The following DYSF variants were observed in gnomAD, a reference collection of about 807,000 sequenced individuals.
DYSF encodes dystrophy-associated fer-1-like 1.
DYSF carries 212 observed loss-of-function variants against 274.9 expected under a neutral mutation model. The ratio of observed to expected loss-of-function variants is 0.77; its 90% CI spans 0.69 to 0.86. The LOEUF is 0.86. Among genes scored for constraint, DYSF ranks in the 40% least tolerant of loss-of-function variants. The probability of loss-of-function intolerance (pLI) is 0.00; values close to 1 mark genes in which losing one functional copy is unlikely to be tolerated. For missense variants in DYSF, 2,666 were observed against 2,783.2 expected, an observed-to-expected ratio of 0.96 and a Z score of 0.95; for synonymous variants, 1,091 against 1,078.7, an observed-to-expected ratio of 1.01 and a Z score of -0.22.
intron 1 of DYSF, among the ~76,000 whole-genome samples, chr2:71,455,574 G>A (rs1475633546): frequency 6.6e-6 from 1 of 152,198 alleles, no homozygotes; most frequent in Non-Finnish European, 1.5e-5. Context: ...CAGGTCAGTG[G>A]CCCTGTTCAG....
chr2:71,620,557 G>A lies in DYSF; in HGVS notation c.4475G>A (p.Gly1492Asp), dbSNP rs1352658192. The A allele has an allele frequency of 1.3e-6, 2 of 1,551,666 alleles. No individual in the cohort carries two copies. Among genetic ancestry groups the A allele is most frequent in the East Asian group, 2.4e-5 (1 of 40,900 alleles). ...EPLIPIQLAD[G>D]LSSLAPTNTA... ...ATGTTTCATTTGTAGCTTGCAGACG[G>A]TCTGTCGAGCTTGGCCCCCACTAAC... The change falls in exon 41 of 56, where the codon GGT (glycine) becomes GAT (aspartate). Residue 1492 changes from glycine (G) to aspartate (D), a missense_variant. Gly to Asp is a moderately conservative substitution (Grantham distance 94, BLOSUM62 -1). Transcript: ENST00000410020.
chr2:71,577,840 G>A (rs2092763109), intron 30 of DYSF, among the ~76,000 whole-genome samples: 1 of 152,186 alleles, frequency 6.6e-6, no homozygotes, highest in South Asian at 2.1e-4. Flanking sequence ...TCCTGGGGAA[G>A]GTGGTTGGAT....
Position 71,569,950 on chromosome 2 carries a change from A to G in DYSF, c.2979+16A>G. On this transcript the variant is annotated intron_variant, in intron 27 of 55. Transcript: ENST00000410020. Reference sequence around the variant, plus strand: ...CACCGATGTGGTAAAGCAGGCACTCAGGGGCAGGTGGGGTCTAGACATTTG... The same window carrying G: ...CACCGATGTGGTAAAGCAGGCACTCGGGGGCAGGTGGGGTCTAGACATTTG... 1.2e-6 allele frequency: 2 copies of G among 1,609,666 alleles called. No homozygotes were observed. Among genetic ancestry groups the G allele is most frequent in the South Asian group, 1.1e-5 (1 of 90,674 alleles).
chr2:71,512,813 G>A (rs2086234097), intron 5 of DYSF, among the ~76,000 whole-genome samples: 1 of 151,374 alleles, frequency 6.6e-6, no homozygotes, highest in Admixed American at 6.6e-5. Flanking sequence ...AGGGCTCTGT[G>A]GTGAGGTCGG....
chr2:71,508,524 T>C (rs1244037038), intron 4 of DYSF, among the ~76,000 whole-genome samples: 6 of 152,246 alleles, frequency 3.9e-5, no homozygotes, highest in Admixed American at 3.9e-4. Flanking sequence ...CTGGATATTT[T>C]TTTGAAATTC....
chr2:71,498,571 G>A (rs1036339954), intron 3 of DYSF, among the ~76,000 whole-genome samples: 3 of 152,190 alleles, frequency 2.0e-5, no homozygotes, highest in Non-Finnish European at 2.9e-5. Flanking sequence ...TCGGAATCCC[G>A]TGGCCTCTGG....
Position 71,564,087 on chromosome 2 carries a change from C to T in DYSF, c.2439C>T (p.Ile813=). 1 of 1,614,252 alleles carries T rather than the reference C, an allele frequency of 6.2e-7. No individual in the cohort carries two copies. Among genetic ancestry groups the T allele is most frequent in the Non-Finnish European group, 8.5e-7 (1 of 1,180,048 alleles). ...EPQNSLPDIV[I]WMLQGDKRVA... is the part of the protein sequence containing the mutation. Reference sequence around the variant, plus strand: ...AGAACAGCCTGCCGGACATCGTCATCTGGATGCTGCAGGGAGACAAGCGTG... The same window carrying T: ...AGAACAGCCTGCCGGACATCGTCATTTGGATGCTGCAGGGAGACAAGCGTG... Residue 813 remains isoleucine, a synonymous_variant, in exon 24 of 56, where the codon ATC becomes ATT. Coordinates refer to ENST00000410020, the MANE Select transcript of DYSF (RefSeq NM_001130987.2).
At chr2:71,516,054 C>A in intron 8 of DYSF, 126 bp from the exon 9 acceptor site, 1 of 1,014,894 alleles carries the variant, frequency 9.9e-7, no homozygotes, top group Non-Finnish European at 1.5e-6. Flanking sequence ...CAGAACTGTG[C>A]CCAATCCACA....
intron 45 of DYSF, among the ~76,000 whole-genome samples, chr2:71,661,535 G>A (rs2094881275): frequency 6.6e-6 from 1 of 152,160 alleles, no homozygotes; most frequent in Non-Finnish European, 1.5e-5. Flanking sequence ...AAGAGCTAGA[G>A]GAAGAATGTA....
chr2:71,638,157 C>T (rs13387541), intron 41 of DYSF, among the ~76,000 whole-genome samples: 21,101 of 151,728 alleles, frequency 0.14, 2,994 homozygotes, highest in African/African-American at 0.33. Flanking sequence ...TAGAAAGAAA[C>T]ACTTGAGATT....
chr2:71,596,873 C>T (rs1184924012), intron 32 of DYSF, among the ~76,000 whole-genome samples: 2 of 152,152 alleles, frequency 1.3e-5, no homozygotes, highest in Non-Finnish European at 2.9e-5. Context: ...TGGCTGAGTC[C>T]GCCCCTTAAC....
intron 45 of DYSF, among the ~76,000 whole-genome samples, chr2:71,662,104 C>G (rs1457894567): frequency 6.6e-6 from 1 of 152,224 alleles, no homozygotes; most frequent in Non-Finnish European, 1.5e-5. Context: ...CATCTCCCCC[C>G]AATCCTGGGC....
chr2:71,568,219 G>T lies in DYSF; in HGVS notation c.2745G>T (p.Thr915=). 6.2e-7 allele frequency: 1 copy of T among 1,614,244 alleles called. No individual in the cohort carries two copies. Among genetic ancestry groups the T allele is most frequent in the African/African-American group, 1.3e-5 (1 of 75,066 alleles). ...KLALVGNWGT[T]GLTYPKFSDV... The stretch of plus-strand genomic sequence containing the variant: ...CCCTTGTTGGGAACTGGGGCACAAC[G>T]GGCCTCACCTACCCCAAGTTTTCTG... The change falls in exon 26 of 56, where the codon ACG becomes ACT. Residue 915 remains threonine, a synonymous_variant. Transcript: ENST00000410020.
In DYSF at chr2:71,657,270, C is replaced by T. The variant is rs114212808; in HGVS notation, c.4755+980C>T. On this transcript the variant is annotated intron_variant, in intron 43 of 55. Coordinates refer to ENST00000410020, the MANE Select transcript of DYSF (RefSeq NM_001130987.2). ...TTGACTCCAGGTCTCACATCTAGGT[C>T]ATGCTGACGCAAAAGGTAGGTTCCC... Among the ~76,000 whole-genome samples, 545 of 152,342 alleles carry T rather than the reference C, an allele frequency of 3.6e-3. 3 individuals are homozygous for T. The highest frequency in any genetic ancestry group is 0.013 in the African/African-American group (524 of 41,586).
chr2:71,516,808 G>A (rs1490219618), intron 9 of DYSF, among the ~76,000 whole-genome samples, 181 bp from the exon 10 acceptor site: 1 of 152,152 alleles, frequency 6.6e-6, no homozygotes, highest in African/African-American at 2.4e-5. Context: ...TGTGAAATGG[G>A]GATAATGACA....
chr2:71,522,191 C>T (rs1175053126), intron 12 of DYSF, among the ~76,000 whole-genome samples: 3 of 151,852 alleles, frequency 2.0e-5, no homozygotes, highest in Non-Finnish European at 4.4e-5. Flanking sequence ...CCCATTTCTC[C>T]CCACCCCTCC....
intron 41 of DYSF, among the ~76,000 whole-genome samples, chr2:71,641,176 C>CTTTT (rs1405599046): frequency 9.7e-6 from 1 of 103,478 alleles, no homozygotes; most frequent in African/African-American, 4.1e-5. Flanking sequence ...AAATGTTTAT[C>CTTTT]TATTTTTTTT....
intron 3 of DYSF, among the ~76,000 whole-genome samples, chr2:71,482,533 G>T (rs533691761): frequency 2.4e-4 from 37 of 152,230 alleles, no homozygotes; most frequent in Admixed American, 2.0e-3. Context: ...GTACCTAGTG[G>T]TGGGTTTCTT....
exon 1 of DYSF, chr2:71,454,059 G>A (rs1202468899): frequency 6.2e-7 from 1 of 1,614,134 alleles, no homozygotes. Flanking sequence ...CGACATCAGC[G>A]ATGCCTACTG....
Sources: allele counts gnomAD v4.1 joint callset (sites outside exome capture counted in the v4.1 genomes callset), GRCh38; gene constraint gnomAD v4.1.1; transcripts MANE v1.5; gene names NCBI Gene and HGNC (gene_info 2026-07-23, HGNC 2026-07-21).